The following SLC4A5 variants were observed in gnomAD, a reference collection of about 807,000 sequenced individuals.
SLC4A5 encodes the protein electrogenic sodium bicarbonate cotransporter 4.
SLC4A5 carries 96 observed loss-of-function variants against 120.4 expected under a neutral mutation model. That is an observed-to-expected ratio of 0.80 (90% CI 0.68 to 0.94). SLC4A5 has a LOEUF of 0.94. SLC4A5 is among the 40% of genes least tolerant of loss of function. The pLI is 0.00. For missense variants in SLC4A5, 1,259 were observed against 1,459.5 expected (o/e 0.86, Z 2.24); for synonymous variants, 550 against 571.1 (o/e 0.96, Z 0.53).
At chr2:74,297,992 C>G (rs964176669) in intron 7 of SLC4A5, among the ~76,000 whole-genome samples, 2 of 152,198 alleles carry the variant, frequency 1.3e-5, no homozygotes, top group African/African-American at 4.8e-5. Context: ...AGTGAAAGGG[C>G]AAGCACAGTC....
chr2:74,247,189 T>A, exon 19 of SLC4A5: 1 of 1,614,162 alleles, frequency 6.2e-7, no homozygotes, highest in Non-Finnish European at 8.5e-7. Flanking sequence ...CCCTCCTCGG[T>A]GAAGCGGGTG....
intron 6 of SLC4A5, chr2:74,308,040 C>G: frequency 3.9e-6 from 2 of 517,906 alleles, no homozygotes; most frequent in Non-Finnish European, 7.8e-6. Flanking sequence ...GAGGAAAGGA[C>G]TCAGGCTTTG....
chr2:74,235,348 T>C, intron 21 of SLC4A5, 134 bp from the exon 22 acceptor site: 1 of 640,656 alleles, frequency 1.6e-6, no homozygotes, highest in Non-Finnish European at 2.7e-6. Flanking sequence ...TAGGCTCAAA[T>C]CCAGGCTCTG....
exon 31 of SLC4A5, chr2:74,218,290 T>C (rs1694506920): frequency 1.8e-5 from 1 of 56,438 alleles, no homozygotes; most frequent in Admixed American, 1.3e-4. Flanking sequence ...AATTTTAAAT[T>C]GATATTTGTT....
intron 7 of SLC4A5, among the ~76,000 whole-genome samples, chr2:74,287,815 T>G (rs1028187032): frequency 1.3e-5 from 2 of 152,062 alleles, no homozygotes; most frequent in Admixed American, 6.5e-5. Flanking sequence ...GATCTTCAAC[T>G]TCCCTCTCTC....
At chr2:74,297,535 T>C (rs1012577615) in intron 7 of SLC4A5, among the ~76,000 whole-genome samples, 2 of 152,218 alleles carry the variant, frequency 1.3e-5, no homozygotes, top group African/African-American at 4.8e-5. Flanking sequence ...TTGTTTCTCT[T>C]AAACTGGCTC....
intron 10 of SLC4A5, 88 bp downstream of exon 10, chr2:74,264,059 C>G: frequency 2.7e-6 from 4 of 1,487,558 alleles, no homozygotes; most frequent in African/African-American, 1.4e-5. Flanking sequence ...TCCAGAAACT[C>G]CCAGCCCCTA....
rs541350474 is a variant in SLC4A5 at position 74,240,367 on chromosome 2, A to G, written c.2119-832T>C. 4.6e-5 allele frequency among the ~76,000 whole-genome samples: 7 copies of G among 152,186 alleles called. No individual in the cohort carries two copies. The East Asian group carries it at 9.6e-4, about 21-fold the overall frequency. On this transcript the variant is annotated intron_variant, in intron 20 of 30. Coordinates refer to ENST00000394019, the Ensembl canonical transcript of SLC4A5. ...TACACATTTGGCCTATATTTAATGC[A>G]TGGTACATTCTGCTTATGCTGTCCC...
chr2:74,252,081 G>A (rs1670808627), intron 16 of SLC4A5, 98 bp downstream of exon 16: 13 of 1,295,494 alleles, frequency 1.0e-5, no homozygotes, highest in Non-Finnish European at 1.4e-5. Context: ...ACCTCGAGTG[G>A]GCACTACAGA....
chr2:74,239,917 T>C (rs1670383480), intron 20 of SLC4A5, among the ~76,000 whole-genome samples: 2 of 151,904 alleles, frequency 1.3e-5, no homozygotes, highest in Non-Finnish European at 2.9e-5. Context: ...ATCACCTCCC[T>C]TGTCAGTCCC....
chr2:74,253,135 A>G lies in SLC4A5; in HGVS notation c.1114-7T>C. 6.2e-7 allele frequency: 1 copy of G among 1,613,936 alleles called. No individual in the cohort carries two copies. The highest frequency in any genetic ancestry group is 8.5e-7 in the Non-Finnish European group (1 of 1,179,976). ...AGGCCACGTCACTGAAGAGCTGGCG[A>G]GGAGAGAGGAGGGAGAAAAGAAAGA... On this transcript the variant is annotated splice_region_variant and splice_polypyrimidine_tract_variant and intron_variant, in intron 14 of 30. Coordinates refer to ENST00000394019, the Ensembl canonical transcript of SLC4A5.
At chr2:74,283,838 CTT>C (rs1215361312) in intron 8 of SLC4A5, among the ~76,000 whole-genome samples, 41 of 139,156 alleles carry the variant, frequency 2.9e-4, no homozygotes, top group African/African-American at 4.0e-4. Flanking sequence ...AATCTTATTC[CTT>C]TTTTTTTTTT....
chr2:74,341,292 G>A (rs1360336871), intron 2 of SLC4A5, among the ~76,000 whole-genome samples: 9 of 128,844 alleles, frequency 7.0e-5, no homozygotes, highest in Admixed American at 3.3e-4. Context: ...GCGACAGAGC[G>A]AGACTCCATC....
At chr2:74,305,658 C>T (rs1214882158) in intron 6 of SLC4A5, among the ~76,000 whole-genome samples, 1 of 151,116 alleles carries the variant, frequency 6.6e-6, no homozygotes, top group Non-Finnish European at 1.5e-5. Context: ...CTTCACTACT[C>T]TAAATATCCT....
At chr2:74,304,283 A>G (rs1672568127) in intron 7 of SLC4A5, among the ~76,000 whole-genome samples, 1 of 152,222 alleles carries the variant, frequency 6.6e-6, no homozygotes, top group African/African-American at 2.4e-5. Context: ...GTCCCCAGAG[A>G]AAGACAGGGT....
chr2:74,278,415 T>C (rs1410149442), intron 8 of SLC4A5, among the ~76,000 whole-genome samples: 2 of 152,200 alleles, frequency 1.3e-5, no homozygotes, highest in African/African-American at 4.8e-5. Flanking sequence ...GGTGTGGACT[T>C]GTGCTTCCCC....
chr2:74,311,461 G>A (rs1672803310), intron 6 of SLC4A5, among the ~76,000 whole-genome samples: 2 of 151,974 alleles, frequency 1.3e-5, no homozygotes, highest in Non-Finnish European at 2.9e-5. Flanking sequence ...TCTAAGCACT[G>A]CTTTTGCTGC....
intron 8 of SLC4A5, among the ~76,000 whole-genome samples, chr2:74,269,030 G>A (rs1220212523): frequency 6.6e-6 from 1 of 152,186 alleles, no homozygotes; most frequent in Non-Finnish European, 1.5e-5. Flanking sequence ...TGAAACATGG[G>A]GGCTGGAGCC....
intron 3 of SLC4A5, among the ~76,000 whole-genome samples, chr2:74,335,504 C>T (rs1009508486): frequency 3.9e-5 from 6 of 152,220 alleles, no homozygotes; most frequent in Non-Finnish European, 8.8e-5. Flanking sequence ...CCTCAGCCAA[C>T]CTGAGCTACC....
Sources: gnomAD v4.1 joint callset for allele counts (sites outside exome capture counted in the v4.1 genomes callset) on GRCh38, gnomAD v4.1.1 for gene constraint, MANE v1.5 for transcripts, NCBI Gene and HGNC (gene_info 2026-07-23, HGNC 2026-07-21) for gene names.